The following ADGRL3 variants were observed in gnomAD, a reference collection of about 807,000 sequenced individuals.
ADGRL3 encodes the protein calcium-independent alpha-latrotoxin receptor 3.
Under a neutral mutation model 153.5 loss-of-function variants are expected in ADGRL3, and 62 were observed. The observed-to-expected ratio is 0.40, with a 90% CI of 0.33 to 0.50. The LOEUF (loss-of-function observed/expected upper bound fraction) is 0.50. ADGRL3 is among the 20% of genes least tolerant of loss of function. The probability of loss-of-function intolerance (pLI) is 0.47; values close to 1 mark genes in which losing one functional copy is unlikely to be tolerated. For synonymous variants in ADGRL3, 710 were observed against 672.5 expected (o/e 1.06, Z -0.86); for missense variants, 1,641 against 1,859.4 (o/e 0.88, Z 2.16).
intron 6 of ADGRL3, among the ~76,000 whole-genome samples, chr4:61,726,427 G>A (rs576507360): frequency 5.9e-5 from 9 of 151,846 alleles, no homozygotes; most frequent in African/African-American, 9.7e-5. Flanking sequence ...TCGAACTCCC[G>A]AACTCAGGTG....
At chr4:61,474,850 T>C (rs992333130) in intron 2 of ADGRL3, among the ~76,000 whole-genome samples, 1 of 152,152 alleles carries the variant, frequency 6.6e-6, no homozygotes, top group Non-Finnish European at 1.5e-5. Context: ...AAATGTAGTA[T>C]ATCTCTTCCA....
intron 9 of ADGRL3, among the ~76,000 whole-genome samples, chr4:61,888,289 C>T (rs937557885): frequency 6.6e-6 from 1 of 152,184 alleles, no homozygotes; most frequent in Non-Finnish European, 1.5e-5. Context: ...TACAAACACA[C>T]AAAGCACTTA....
intron 5 of ADGRL3, among the ~76,000 whole-genome samples, chr4:61,650,399 C>T (rs2094203094): frequency 6.6e-6 from 1 of 151,974 alleles, no homozygotes; most frequent in Admixed American, 6.6e-5. Context: ...TACAATGCTC[C>T]CAAAGATTTT....
rs1268036631 is a variant in ADGRL3 at position 61,200,646 on chromosome 4, C to T, written c.-1359C>T. Among the ~76,000 whole-genome samples, 1 of 152,012 alleles carries T rather than the reference C, an allele frequency of 6.6e-6. No homozygotes were observed. Among genetic ancestry groups the T allele is most frequent in the Non-Finnish European group, 1.5e-5 (1 of 67,966 alleles). ...TTCTCTTTTTGCCTTGGTCCTCTTC[C>T]TACGGGTGTGCGCGCGCGCGGGTTG... is the stretch of plus-strand genomic sequence containing the variant. On this transcript the variant is annotated 5_prime_UTR_variant, in exon 1 of 27. Coordinates refer to ENST00000683033, the MANE Select transcript of ADGRL3 (RefSeq NM_001387552.1).
rs577038646 is a variant in ADGRL3 at position 61,509,196 on chromosome 4, C to T, written c.56-8119C>T. On this transcript the variant is annotated intron_variant, in intron 3 of 26. Coordinates refer to ENST00000683033, the MANE Select transcript of ADGRL3 (RefSeq NM_001387552.1). Reference sequence around the variant, plus strand: ...AGGCTGGAGTGCAATGGCACGATCTCGGCTCACTGCAACCTCCGCCTCCCG... The same window carrying T: ...AGGCTGGAGTGCAATGGCACGATCTTGGCTCACTGCAACCTCCGCCTCCCG... Among the ~76,000 whole-genome samples the T allele has an allele frequency of 2.6e-4, 38 of 147,980 alleles. No homozygotes were observed. The South Asian group carries it at 4.1e-3, about 16-fold the overall frequency.
chr4:61,333,149 T>C (rs1168089389), intron 1 of ADGRL3, among the ~76,000 whole-genome samples: 1 of 151,034 alleles, frequency 6.6e-6, no homozygotes, highest in Non-Finnish European at 1.5e-5. Context: ...TTTTATTTTC[T>C]TTGGGCTCTT....
chr4:61,766,400 C>T (rs985873154), intron 8 of ADGRL3, among the ~76,000 whole-genome samples: 7 of 152,074 alleles, frequency 4.6e-5, no homozygotes, highest in Non-Finnish European at 8.8e-5. Flanking sequence ...GACATGAGGG[C>T]TAGGCTAAAA....
intron 6 of ADGRL3, among the ~76,000 whole-genome samples, chr4:61,705,991 T>C (rs114725828): frequency 0.013 from 1,915 of 152,220 alleles, 47 homozygotes; most frequent in African/African-American, 0.043. Flanking sequence ...TTTAGAATGG[T>C]AAATAAGCAT....
chr4:61,713,490 G>C (rs925069535), intron 6 of ADGRL3, among the ~76,000 whole-genome samples: 1 of 151,616 alleles, frequency 6.6e-6, no homozygotes, highest in Non-Finnish European at 1.5e-5. Context: ...TCTAATTCTA[G>C]GTCTATTATA....
chr4:61,828,255 CTTGT>C (rs1246085837), intron 9 of ADGRL3, among the ~76,000 whole-genome samples: 5 of 152,074 alleles, frequency 3.3e-5, no homozygotes, highest in South Asian at 2.1e-4. Context: ...TTAGGGCATA[CTTGT>C]TTGTTTGTTA....
intron 8 of ADGRL3, among the ~76,000 whole-genome samples, chr4:61,758,571 G>A (rs2093608976): frequency 6.6e-6 from 1 of 152,060 alleles, no homozygotes; most frequent in Non-Finnish European, 1.5e-5. Flanking sequence ...GCCTATGTGT[G>A]TCTCTGCATA....
At chr4:61,483,668 G>A (rs950283259) in intron 2 of ADGRL3, among the ~76,000 whole-genome samples, 9 of 151,810 alleles carry the variant, frequency 5.9e-5, no homozygotes, top group African/African-American at 1.7e-4. Context: ...ACTCGGGAAG[G>A]GGAGGTTGCT....
intron 9 of ADGRL3, among the ~76,000 whole-genome samples, chr4:61,823,100 C>T (rs1326135577): frequency 6.6e-6 from 1 of 152,152 alleles, no homozygotes; most frequent in Non-Finnish European, 1.5e-5. Flanking sequence ...TTCACCTCTC[C>T]CCAAATCCCA....
At chr4:61,735,954 T>C (rs1240241107) in intron 8 of ADGRL3, among the ~76,000 whole-genome samples, 1 of 152,156 alleles carries the variant, frequency 6.6e-6, no homozygotes, top group Non-Finnish European at 1.5e-5. Context: ...TAATCCCATG[T>C]GTTTAAAAAC....
intron 1 of ADGRL3, among the ~76,000 whole-genome samples, chr4:61,372,864 T>G (rs2096553921): frequency 6.6e-6 from 1 of 152,170 alleles, no homozygotes; most frequent in African/African-American, 2.4e-5. Context: ...CAGACTGCTG[T>G]GCTAGCAATC....
In ADGRL3 at chr4:61,456,903, G is replaced by A. The variant is rs375086813; in HGVS notation, c.-173-40218G>A. Reference sequence around the variant, plus strand: ...TTGATACTGGTACTGCCTCACTTTTGTAGGAGTAGGCTGTTTTTCTACCAA... The same window carrying A: ...TTGATACTGGTACTGCCTCACTTTTATAGGAGTAGGCTGTTTTTCTACCAA... On this transcript the variant is annotated intron_variant, in intron 2 of 26. Coordinates refer to ENST00000683033, the MANE Select transcript of ADGRL3 (RefSeq NM_001387552.1). Among the ~76,000 whole-genome samples, 46 of 151,952 alleles carry A rather than the reference G, an allele frequency of 3.0e-4. 1 individual carries two copies. The East Asian group carries it at 8.3e-3, about 27-fold the overall frequency.
intron 9 of ADGRL3, among the ~76,000 whole-genome samples, chr4:61,852,202 T>C (rs2098212722): frequency 6.6e-6 from 1 of 152,192 alleles, no homozygotes; most frequent in African/African-American, 2.4e-5. Context: ...AACACTGATA[T>C]ACATTGTTGC....
chr4:61,342,708 T>C (rs1442828379), intron 1 of ADGRL3, among the ~76,000 whole-genome samples: 3 of 152,188 alleles, frequency 2.0e-5, no homozygotes, highest in African/African-American at 7.2e-5. Context: ...AGCACCCGTC[T>C]CATAGCTTTT....
At chr4:61,699,459 GA>G (rs553631890) in intron 6 of ADGRL3, among the ~76,000 whole-genome samples, 4 of 152,152 alleles carry the variant, frequency 2.6e-5, no homozygotes, top group Non-Finnish European at 5.9e-5. Flanking sequence ...AAAATAAGAT[GA>G]AGTTAGGGAG....
Sources: gnomAD v4.1 joint callset for allele counts (sites outside exome capture counted in the v4.1 genomes callset) on GRCh38, gnomAD v4.1.1 for gene constraint, MANE v1.5 for transcripts, NCBI Gene and HGNC (gene_info 2026-07-23, HGNC 2026-07-21) for gene names.